Variants in ADCY3 observed in about 807,000 individuals in gnomAD.
The protein encoded by ADCY3 is adenylate cyclase 3.
In ADCY3, 70 loss-of-function variants were observed where a neutral mutation model predicts 119.4. That is an observed-to-expected ratio of 0.59 (90% CI 0.48 to 0.72). The LOEUF (loss-of-function observed/expected upper bound fraction) is 0.72, where lower values mean the gene tolerates loss of function less well. ADCY3 is among the 30% of genes least tolerant of loss of function. ADCY3 has a pLI of 0.00. For missense variants in ADCY3, 1,238 were observed against 1,541.6 expected (o/e 0.80, Z 3.30); for synonymous variants, 672 against 621.4 (o/e 1.08, Z -1.21).
intron 2 of ADCY3, among the ~76,000 whole-genome samples, chr2:24,907,677 A>T (rs1415010860): frequency 2.0e-5 from 3 of 152,166 alleles, no homozygotes; most frequent in African/African-American, 4.8e-5. Context: ...AATGCAAGTG[A>T]CACATAAATA....
In ADCY3 at chr2:24,822,618, G is replaced by T; in HGVS notation, c.2896C>A (p.Pro966Thr). ...ISDFDSLLDNPKFRVITKIKT... is the reference protein window; with the variant it reads ...ISDFDSLLDNTKFRVITKIKT... ...ATCTTGGTGATCACCCGGAACTTGG[G>T]ATTGTCCAGGAGCTGAGGCCAGGAT... The change falls in exon 19 of 22, where the codon CCC (proline) becomes ACC (threonine). Residue 966 changes from proline to threonine, a missense_variant. Coordinates refer to ENST00000679454, the MANE Select transcript of ADCY3 (RefSeq NM_004036.5). The T allele has an allele frequency of 1.2e-6, 2 of 1,614,090 alleles. No individual in the cohort carries two copies. Among genetic ancestry groups the T allele is most frequent in the Non-Finnish European group, 1.7e-6 (2 of 1,179,982 alleles).
intron 2 of ADCY3, among the ~76,000 whole-genome samples, chr2:24,881,479 G>C (rs534612045): frequency 6.6e-6 from 1 of 152,258 alleles, no homozygotes; most frequent in Non-Finnish European, 1.5e-5. Flanking sequence ...GGGTGGAGAA[G>C]ACACTAGCAG....
At chr2:24,885,988 T>G (rs1267085511) in intron 2 of ADCY3, among the ~76,000 whole-genome samples, 1 of 152,234 alleles carries the variant, frequency 6.6e-6, no homozygotes, top group African/African-American at 2.4e-5. Flanking sequence ...CGAAAGTGCC[T>G]GGGGAGGAAG....
Position 24,819,863 on chromosome 2 carries a change from C to T in ADCY3, c.*69G>A, listed in dbSNP as rs910165112. The T allele has an allele frequency of 4.3e-5, 65 of 1,513,556 alleles. No homozygotes were observed. Among genetic ancestry groups the T allele is most frequent in the Admixed American group, 7.7e-5 (4 of 52,098 alleles). The allele number at this position is 1,513,556 out of a possible 1,614,324, so 93.8% of individuals were successfully genotyped here. On this transcript the variant is annotated 3_prime_UTR_variant, in exon 22 of 22. Coordinates refer to ENST00000679454, the MANE Select transcript of ADCY3 (RefSeq NM_004036.5). ...AGTGTGCACTTCAATCCAGGAAGGT[C>T]GGGACTTCCTTCAGTTTCAAAAAAT... is the stretch of plus-strand genomic sequence containing the variant.
In ADCY3 at chr2:24,838,638, A is replaced by G; in HGVS notation, c.1356-16T>C. On this transcript the variant is annotated splice_polypyrimidine_tract_variant and intron_variant, in intron 7 of 21. Transcript: ENST00000679454. ...GTGCACGCGCCTGGATTGCAGAGAG[A>G]GAGGCCCTGAGCGTCGGCCAGAGGT... 6.2e-7 allele frequency: 1 copy of G among 1,613,052 alleles called. No homozygotes were observed.
chr2:24,831,825 A>C, intron 11 of ADCY3, 76 bp from the exon 12 acceptor site: 9 of 438,366 alleles, frequency 2.1e-5, no homozygotes, highest in African/African-American at 4.9e-5. Flanking sequence ...AGAGGAAGGG[A>C]CGGGGATGGG....
chr2:24,833,617 A>G (rs1208316132), intron 11 of ADCY3, among the ~76,000 whole-genome samples: 1 of 152,154 alleles, frequency 6.6e-6, no homozygotes, highest in African/African-American at 2.4e-5. Context: ...CCCTACCAGA[A>G]CCCAAGTTTC....
At chr2:24,901,293 G>C (rs1373554557) in intron 2 of ADCY3, among the ~76,000 whole-genome samples, 1 of 152,160 alleles carries the variant, frequency 6.6e-6, no homozygotes, top group Admixed American at 6.6e-5. Flanking sequence ...AACTTTCGGA[G>C]TATTTTCCAA....
Position 24,914,026 on chromosome 2 carries a change from A to AGGTCCT in ADCY3, c.675+4281_675+4286dup, listed in dbSNP as rs1230198518. Reference sequence around the variant, plus strand: ...CGCACTCATTGGCCGCTGGTCCTGCAGGTCCTGGTCCTGAGCCCAGTCCCC... The same window carrying AGGTCCT: ...CGCACTCATTGGCCGCTGGTCCTGCAGGTCCTGGTCCTGGTCCTGAGCCCAGTCCCC... On this transcript the variant is annotated intron_variant, in intron 2 of 21. Transcript: ENST00000679454. Among the ~76,000 whole-genome samples, 50 of 145,142 alleles carry AGGTCCT rather than the reference A, an allele frequency of 3.4e-4. 1 individual carries two copies. The highest frequency in any genetic ancestry group is 1.2e-3 in the African/African-American group (46 of 38,658).
intron 3 of ADCY3, among the ~76,000 whole-genome samples, chr2:24,855,528 GAGA>G (rs1672896814): frequency 6.6e-6 from 1 of 152,196 alleles, no homozygotes. Flanking sequence ...GTTCTGCACA[GAGA>G]AGAAGGAGGG....
chr2:24,823,356 C>CG lies in ADCY3; in HGVS notation c.2737-2_2737-1insC. ...CATCATACGTCTGGCTATACAGCTC[C>CG]TAAAAAGAGGTGCGGACAACGTGCT... On this transcript the variant is annotated splice_acceptor_variant, in intron 17 of 21. Coordinates refer to ENST00000679454, the MANE Select transcript of ADCY3 (RefSeq NM_004036.5). LOFTEE classifies it high-confidence loss of function. 6.2e-7 allele frequency: 1 copy of CG among 1,610,558 alleles called. No individual in the cohort carries two copies. Among genetic ancestry groups the CG allele is most frequent in the South Asian group, 1.1e-5 (1 of 90,414 alleles).
chr2:24,845,864 G>A (rs1254468138), intron 3 of ADCY3, among the ~76,000 whole-genome samples: 3 of 152,228 alleles, frequency 2.0e-5, no homozygotes, highest in African/African-American at 7.2e-5. Context: ...GCAGCCTAGG[G>A]ACTTGGTGCC....
At chr2:24,845,695 TGTAA>T (rs1661019765) in intron 3 of ADCY3, among the ~76,000 whole-genome samples, 1 of 152,216 alleles carries the variant, frequency 6.6e-6, no homozygotes, top group Admixed American at 6.5e-5. Flanking sequence ...CAGAAATTTG[TGTAA>T]GTAATGAAGA....
intron 20 of ADCY3, 65 bp from the exon 21 acceptor site, chr2:24,820,913 ATC>A: frequency 6.3e-7 from 1 of 1,592,500 alleles, no homozygotes; most frequent in Non-Finnish European, 8.6e-7. Context: ...CTCAGAAGCC[ATC>A]TCCTCTCCAG....
At chr2:24,862,577 A>G (rs1474572887) in intron 3 of ADCY3, among the ~76,000 whole-genome samples, 1 of 151,952 alleles carries the variant, frequency 6.6e-6, no homozygotes, top group African/African-American at 2.4e-5. Flanking sequence ...TAAAAAAAAT[A>G]AAAACAAATA....
At chr2:24,824,840 A>C (rs541738892) in intron 16 of ADCY3, among the ~76,000 whole-genome samples, 4 of 152,312 alleles carry the variant, frequency 2.6e-5, no homozygotes, top group African/African-American at 9.6e-5. Context: ...CAGTGAGCCG[A>C]GATCGCACCA....
chr2:24,851,847 G>A (rs1267608801), intron 3 of ADCY3, among the ~76,000 whole-genome samples: 2 of 152,270 alleles, frequency 1.3e-5, no homozygotes, highest in East Asian at 3.9e-4. Flanking sequence ...TCCAGACAAT[G>A]AGACTCAGGA....
chr2:24,893,501 G>T (rs1050407482), intron 2 of ADCY3, among the ~76,000 whole-genome samples: 3 of 152,054 alleles, frequency 2.0e-5, no homozygotes, highest in Non-Finnish European at 2.9e-5. Context: ...GAAGGCATGA[G>T]CTGCCACACC....
At chr2:24,877,174 C>T (rs1675818824) in intron 2 of ADCY3, among the ~76,000 whole-genome samples, 1 of 152,254 alleles carries the variant, frequency 6.6e-6, no homozygotes, top group Non-Finnish European at 1.5e-5. Context: ...ACTGTCCTCA[C>T]ATCTGTGTCC....
Sources: gnomAD v4.1 joint callset for allele counts (sites outside exome capture counted in the v4.1 genomes callset) on GRCh38, gnomAD v4.1.1 for gene constraint, MANE v1.5 for transcripts, NCBI Gene and HGNC (gene_info 2026-07-23, HGNC 2026-07-21) for gene names.